The following CNGB1 variants were observed in gnomAD, a reference collection of about 807,000 sequenced individuals.
The protein encoded by CNGB1 is cyclic nucleotide gated channel subunit beta 1, also known as cyclic nucleotide-gated channel beta-1.
In CNGB1, 126 loss-of-function variants were observed where a neutral mutation model predicts 151.7. The ratio of observed to expected loss-of-function variants is 0.83; its 90% CI spans 0.72 to 0.96. The LOEUF (loss-of-function observed/expected upper bound fraction) is 0.96, where lower values mean the gene tolerates loss of function less well. Ranked by LOEUF, CNGB1 falls within the 40% of genes least tolerant of loss-of-function variation. The pLI is 0.00. For missense variants in CNGB1, 1,698 were observed against 1,627.0 expected (o/e 1.04, Z -0.75); for synonymous variants, 623 against 635.1 (o/e 0.98, Z 0.29).
At chr16:57,893,941 G>T (rs1158612404) in intron 31 of CNGB1, among the ~76,000 whole-genome samples, 1 of 152,160 alleles carries the variant, frequency 6.6e-6, no homozygotes, top group Admixed American at 6.5e-5. Context: ...AGGGATCTGA[G>T]CCCCGCCAGC....
chr16:57,888,104 C>T (rs764674643), intron 31 of CNGB1, 30 bp from the exon 32 acceptor site: 1 of 1,601,972 alleles, frequency 6.2e-7, no homozygotes, highest in South Asian at 1.1e-5. Context: ...ATTGACATCA[C>T]AGACGCACTC....
chr16:57,933,084 A>G (rs1227866297), intron 16 of CNGB1, among the ~76,000 whole-genome samples: 1 of 151,618 alleles, frequency 6.6e-6, no homozygotes, highest in Non-Finnish European at 1.5e-5. Flanking sequence ...GCACACCACC[A>G]TGCTCGGCTA....
chr16:57,929,200 T>G (rs1256862955), intron 17 of CNGB1, among the ~76,000 whole-genome samples: 1 of 152,146 alleles, frequency 6.6e-6, no homozygotes, highest in Non-Finnish European at 1.5e-5. Context: ...AATAGACATT[T>G]CTCCAAAGAA....
chr16:57,895,960 C>T (rs1960212772), intron 31 of CNGB1, among the ~76,000 whole-genome samples: 2 of 152,130 alleles, frequency 1.3e-5, no homozygotes, highest in South Asian at 4.1e-4. Context: ...TGCCTATATA[C>T]ATTGAGAAAT....
chr16:57,908,130 GT>G (rs1450761478), intron 25 of CNGB1, among the ~76,000 whole-genome samples: 2 of 152,186 alleles, frequency 1.3e-5, no homozygotes, highest in African/African-American at 4.8e-5. Context: ...AGCTCAAGCA[GT>G]CTGCCTGCCT....
At chr16:57,946,002 C>T (rs1328665894) in intron 14 of CNGB1, among the ~76,000 whole-genome samples, 6 of 152,178 alleles carry the variant, frequency 3.9e-5, no homozygotes. Flanking sequence ...TGTCTAGGGG[C>T]CATGTTACCA....
At chr16:57,967,705 T>A (rs1289688609) in intron 1 of CNGB1, among the ~76,000 whole-genome samples, 5 of 151,960 alleles carry the variant, frequency 3.3e-5, no homozygotes, top group African/African-American at 1.2e-4. Context: ...AAAAAATATA[T>A]AATATATATA....
chr16:57,922,783 T>C (rs1485848017), intron 18 of CNGB1, among the ~76,000 whole-genome samples: 1 of 152,066 alleles, frequency 6.6e-6, no homozygotes, highest in Non-Finnish European at 1.5e-5. Flanking sequence ...CCACATCCCC[T>C]GGGGAGTTTG....
intron 12 of CNGB1, among the ~76,000 whole-genome samples, chr16:57,954,424 T>C (rs1477008300): frequency 6.6e-6 from 1 of 152,138 alleles, no homozygotes; most frequent in Non-Finnish European, 1.5e-5. Flanking sequence ...AGAAGCCAGA[T>C]TTTTCCATGT....
At chr16:57,923,414 C>A (rs771035558) in intron 17 of CNGB1, 34 bp from the exon 18 acceptor site, 51 of 1,558,250 alleles carry the variant, frequency 3.3e-5, no homozygotes, top group Non-Finnish European at 4.3e-5. Flanking sequence ...GGGCCTTCAG[C>A]AAAGGCAGAG....
intron 17 of CNGB1, among the ~76,000 whole-genome samples, chr16:57,925,376 A>G (rs1038376383): frequency 2.0e-5 from 3 of 152,238 alleles, no homozygotes; most frequent in Admixed American, 1.3e-4. Context: ...TAATACAGGA[A>G]TTGAACCTGA....
At chr16:57,916,744 G>T (rs1960877033) in intron 21 of CNGB1, among the ~76,000 whole-genome samples, 1 of 152,122 alleles carries the variant, frequency 6.6e-6, no homozygotes, top group Non-Finnish European at 1.5e-5. Context: ...GGTGCACGGG[G>T]CTGGACCAGA....
chr16:57,892,505 C>T (rs1448578793), intron 31 of CNGB1, among the ~76,000 whole-genome samples: 1 of 152,090 alleles, frequency 6.6e-6, no homozygotes, highest in Non-Finnish European at 1.5e-5. Context: ...CCCAGGGGAC[C>T]TCAGTGTCTT....
chr16:57,939,578 T>C lies in CNGB1; in HGVS notation c.1224A>G (p.Glu408=), dbSNP rs1304958775. ...QSTSDQKLWE[E]VGEEAKKEAE... is the part of the protein sequence containing the mutation. Reference sequence around the variant, plus strand: ...CCTCCTTCTTGGCCTCCTCCCCAACTTCCTCCCACAGCTTCTGCAGAGAAT... The same window carrying C: ...CCTCCTTCTTGGCCTCCTCCCCAACCTCCTCCCACAGCTTCTGCAGAGAAT... Residue 408 remains glutamate (E), a synonymous_variant, in exon 16 of 33, where the codon GAA becomes GAG. Coordinates refer to ENST00000251102, the MANE Select transcript of CNGB1 (RefSeq NM_001297.5). 3.7e-6 allele frequency: 6 copies of C among 1,614,122 alleles called. No homozygotes were observed. Among genetic ancestry groups the C allele is most frequent in the Non-Finnish European group, 2.5e-6 (3 of 1,180,016 alleles).
intron 19 of CNGB1, 33 bp from the exon 20 acceptor site, chr16:57,919,287 G>A (rs748873286): frequency 6.2e-7 from 1 of 1,613,862 alleles, no homozygotes; most frequent in Non-Finnish European, 8.5e-7. Flanking sequence ...ATCTGAACCA[G>A]CCCTGAGGCC....
intron 1 of CNGB1, among the ~76,000 whole-genome samples, 171 bp downstream of exon 1, chr16:57,970,889 T>C (rs114321921): frequency 0.017 from 2,635 of 152,164 alleles, 58 homozygotes; most frequent in African/African-American, 0.049. Flanking sequence ...ATTTGCATTG[T>C]ACAAGCTGTC....
intron 18 of CNGB1, 23 bp downstream of exon 18, chr16:57,923,250 C>T: frequency 1.5e-6 from 2 of 1,354,050 alleles, no homozygotes; most frequent in Admixed American, 1.8e-5. Flanking sequence ...TTTCAATTTT[C>T]TGAGACCCCA....
chr16:57,948,468 C>T (rs1227914497), intron 14 of CNGB1, among the ~76,000 whole-genome samples: 1 of 151,936 alleles, frequency 6.6e-6, no homozygotes, highest in Non-Finnish European at 1.5e-5. Flanking sequence ...CTTCCTGAAA[C>T]ACTAACTTGG....
Position 57,912,923 on chromosome 16 carries a change from G to A in CNGB1, c.2369+7C>T, listed in dbSNP as rs750633869. On this transcript the variant is annotated splice_region_variant and intron_variant, in intron 24 of 32. Coordinates refer to ENST00000251102, the MANE Select transcript of CNGB1 (RefSeq NM_001297.5). ...GTGCATGCATGCACATGCAGGGGGA[G>A]TCTCACCTGTACACGTAGGCTTTGC... The A allele has an allele frequency of 2.5e-6, 4 of 1,613,750 alleles. No individual in the cohort carries two copies. Among genetic ancestry groups the A allele is most frequent in the Non-Finnish European group, 3.4e-6 (4 of 1,179,714 alleles).
Sources: gnomAD v4.1 joint callset for allele counts (sites outside exome capture counted in the v4.1 genomes callset) on GRCh38, gnomAD v4.1.1 for gene constraint, MANE v1.5 for transcripts, NCBI Gene and HGNC (gene_info 2026-07-23, HGNC 2026-07-21) for gene names.